RBFOX1: variants seen among roughly 807,000 people sequenced by gnomAD.
RBFOX1 encodes RNA binding fox-1 homolog 1.
RBFOX1 carries 8 observed loss-of-function variants against 57.7 expected under a neutral mutation model. That is an observed-to-expected ratio of 0.14 (90% CI 0.08 to 0.25). The LOEUF is 0.25. RBFOX1 is among the 10% of genes least tolerant of loss of function. RBFOX1 has a pLI of 1.00. For synonymous variants in RBFOX1, 326 were observed against 222.4 expected, an observed-to-expected ratio of 1.47 and a Z score of -4.15; for missense variants, 611 against 548.5, an observed-to-expected ratio of 1.11 and a Z score of -1.14.
intron 4 of RBFOX1, among the ~76,000 whole-genome samples, chr16:7,203,823 C>G (rs564842981): frequency 3.3e-5 from 5 of 152,334 alleles, no homozygotes; most frequent in South Asian, 2.1e-4. Flanking sequence ...AAGTGATTGT[C>G]TTACCGGCCA....
chr16:7,375,618 A>G (rs1034469403), intron 4 of RBFOX1, among the ~76,000 whole-genome samples: 33 of 151,966 alleles, frequency 2.2e-4, no homozygotes, highest in Admixed American at 8.5e-4. Flanking sequence ...CAAAAGGTAG[A>G]TAAGGGGACT....
At chr16:6,839,541 G>C (rs1721931788) in intron 3 of RBFOX1, among the ~76,000 whole-genome samples, 1 of 152,160 alleles carries the variant, frequency 6.6e-6, no homozygotes, top group South Asian at 2.1e-4. Flanking sequence ...CAGACAAGGA[G>C]GGTATCTGAG....
At chr16:6,831,155 A>G (rs1035264380) in intron 3 of RBFOX1, among the ~76,000 whole-genome samples, 1 of 152,208 alleles carries the variant, frequency 6.6e-6, no homozygotes, top group African/African-American at 2.4e-5. Context: ...TTTGCTCATT[A>G]TAATTTCATT....
At chr16:5,589,104 C>T (rs1211821234) in intron 2 of RBFOX1, among the ~76,000 whole-genome samples, 3 of 152,152 alleles carry the variant, frequency 2.0e-5, no homozygotes, top group Admixed American at 6.5e-5. Flanking sequence ...AAGAAACCGC[C>T]TCCTTATGGG....
At chr16:7,033,939 A>G (rs144042630) in intron 3 of RBFOX1, among the ~76,000 whole-genome samples, 1 of 152,320 alleles carries the variant, frequency 6.6e-6, no homozygotes, top group East Asian at 1.9e-4. Context: ...GCTGCATTTC[A>G]GGCTGGGTGA....
At chr16:5,658,846 T>C (rs993872010) in intron 3 of RBFOX1, among the ~76,000 whole-genome samples, 13 of 148,454 alleles carry the variant, frequency 8.8e-5, no homozygotes, top group Non-Finnish European at 1.9e-4. Flanking sequence ...ATATATAATA[T>C]ATGTATATAT....
chr16:6,826,680 C>T (rs2092187844), intron 3 of RBFOX1, among the ~76,000 whole-genome samples: 4 of 152,002 alleles, frequency 2.6e-5, no homozygotes, highest in South Asian at 2.1e-4. Context: ...CCTAAGAGCT[C>T]AGGAGAGAGG....
intron 4 of RBFOX1, among the ~76,000 whole-genome samples, chr16:7,089,615 T>C (rs1213932680): frequency 1.3e-5 from 2 of 152,168 alleles, no homozygotes; most frequent in East Asian, 1.9e-4. Flanking sequence ...TGTGATATTA[T>C]TTATGAAGTT....
chr16:7,215,951 C>G (rs547085818), intron 4 of RBFOX1, among the ~76,000 whole-genome samples: 16 of 152,108 alleles, frequency 1.1e-4, no homozygotes, highest in Non-Finnish European at 2.1e-4. Flanking sequence ...TCTCGATTTC[C>G]TGACCTTGTG....
In RBFOX1 at chr16:5,712,939, C is replaced by G. The variant is rs553893615; in HGVS notation, c.318+113978C>G. Among the ~76,000 whole-genome samples, 28 of 151,506 alleles carry G rather than the reference C, an allele frequency of 1.8e-4. No homozygotes were observed. In the South Asian group the frequency reaches 5.7e-3, roughly 31 times the overall value. On this transcript the variant is annotated intron_variant, in intron 3 of 19. Coordinates refer to the RBFOX1 transcript ENST00000641259. ...TTTTCCATGGAGATTGAACCCAGCT[C>G]CAAATGCTGTATCATGATTGGTCTC... is the stretch of plus-strand genomic sequence containing the variant.
At chr16:7,356,634 G>A (rs73565856) in intron 4 of RBFOX1, among the ~76,000 whole-genome samples, 1 of 152,186 alleles carries the variant, frequency 6.6e-6, no homozygotes, top group Admixed American at 6.5e-5. Context: ...CAGGGCAGCA[G>A]CAGAATTTGG....
chr16:7,447,852 T>C (rs1289448966), intron 4 of RBFOX1, among the ~76,000 whole-genome samples: 2 of 152,250 alleles, frequency 1.3e-5, no homozygotes, highest in Non-Finnish European at 2.9e-5. Context: ...AGAACAGATT[T>C]TTCTGTGTGT....
intron 10 of RBFOX1, among the ~76,000 whole-genome samples, chr16:7,621,557 G>T (rs925795787): frequency 2.6e-5 from 4 of 152,014 alleles, no homozygotes; most frequent in Admixed American, 6.6e-5. Flanking sequence ...CACCACACCT[G>T]GCCTAATTGT....
intron 3 of RBFOX1, among the ~76,000 whole-genome samples, chr16:5,694,450 A>C (rs1221430279): frequency 1.3e-5 from 2 of 152,158 alleles, no homozygotes; most frequent in East Asian, 3.9e-4. Flanking sequence ...CAACTTCTGA[A>C]TGATACCCAC....
chr16:6,478,465 AG>A (rs1459103353), intron 2 of RBFOX1, among the ~76,000 whole-genome samples: 17 of 124,434 alleles, frequency 1.4e-4, no homozygotes, highest in African/African-American at 5.2e-4. Flanking sequence ...TAGTAGAGAC[AG>A]GGTTTCACCA....
chr16:7,444,452 G>C (rs979371460), intron 4 of RBFOX1, among the ~76,000 whole-genome samples: 2 of 152,160 alleles, frequency 1.3e-5, no homozygotes, highest in Admixed American at 6.6e-5. Context: ...AACAGCCTAG[G>C]GGGAGAGCAG....
intron 2 of RBFOX1, among the ~76,000 whole-genome samples, chr16:5,493,727 G>A (rs1043714230): frequency 1.3e-5 from 2 of 152,182 alleles, no homozygotes; most frequent in African/African-American, 4.8e-5. Context: ...TGCTTGCTCT[G>A]CTCATTAAAG....
At position 6,105,143 on chromosome 16, in the gene RBFOX1, C is replaced by G. The variant is rs572412383; in HGVS notation, c.-127+85151C>G. 5.9e-5 allele frequency among the ~76,000 whole-genome samples: 9 copies of G among 152,310 alleles called. No individual in the cohort carries two copies. The East Asian group carries it at 1.2e-3, about 20-fold the overall frequency. On this transcript the variant is annotated intron_variant, in intron 1 of 15. Coordinates refer to ENST00000550418, the MANE Select transcript of RBFOX1 (RefSeq NM_018723.4). ...AACCATCTTACAGCTCATCATTCCT[C>G]TCTCACCTGAATCTTGTTTGATTTC...
At chr16:6,363,011 G>T (rs1174936228) in intron 2 of RBFOX1, among the ~76,000 whole-genome samples, 1 of 152,096 alleles carries the variant, frequency 6.6e-6, no homozygotes, top group African/African-American at 2.4e-5. Context: ...ATGATTACTT[G>T]GGTCTTCAAA....
Sources: gnomAD v4.1 joint callset for allele counts (sites outside exome capture counted in the v4.1 genomes callset) on GRCh38, gnomAD v4.1.1 for gene constraint, MANE v1.5 for transcripts, NCBI Gene and HGNC (gene_info 2026-07-23, HGNC 2026-07-21) for gene names.